Variants in LOXL1 observed in about 807,000 individuals in gnomAD.
LOXL1 encodes the protein lysyl oxidase like 1.
Under a neutral mutation model 62.2 loss-of-function variants are expected in LOXL1, and 31 were observed. The observed-to-expected ratio is 0.50, with a 90% CI of 0.37 to 0.67. The LOEUF is 0.67. LOXL1 is among the 30% of genes least tolerant of loss of function. The pLI is 0.00. For synonymous variants in LOXL1, 403 were observed against 384.4 expected, an observed-to-expected ratio of 1.05 and a Z score of -0.56; for missense variants, 775 against 843.4, an observed-to-expected ratio of 0.92 and a Z score of 1.00.
Position 73,927,348 on chromosome 15 carries a change from G to T in LOXL1, c.565G>T (p.Glu189Ter). 5 of 1,595,450 alleles carry T rather than the reference G, an allele frequency of 3.1e-6. No individual in the cohort carries two copies. The highest frequency in any genetic ancestry group is 3.4e-6 in the Non-Finnish European group (4 of 1,172,320). Reference protein sequence around the residue: ...YPQAPFVSQYENYDPASRTYD... With the variant: ...YPQAPFVSQY ...GCAGGCGCCCTTCGTCAGCCAGTAC[G>T]AGAACTACGACCCCGCGTCGCGGAC... is the stretch of plus-strand genomic sequence containing the variant. Residue 189 changes from glutamate (E) to a stop codon, truncating the protein, a stop_gained, in exon 1 of 7, where the codon GAG becomes TAG. Transcript: ENST00000261921. LOFTEE classifies it high-confidence loss of function.
At chr15:73,934,794 T>TA (rs1416672018) in intron 1 of LOXL1, among the ~76,000 whole-genome samples, 3 of 151,650 alleles carry the variant, frequency 2.0e-5, no homozygotes, top group Admixed American at 6.6e-5. Context: ...TGTGGAAAAA[T>TA]AGAGATAGGT....
intron 5 of LOXL1, among the ~76,000 whole-genome samples, chr15:73,948,574 G>A (rs562604743): frequency 1.2e-4 from 18 of 152,312 alleles, no homozygotes; most frequent in African/African-American, 4.3e-4. Flanking sequence ...AAGCAGCTCA[G>A]TAAAGGCAGA....
At chr15:73,937,512 C>T (rs950706888) in intron 1 of LOXL1, among the ~76,000 whole-genome samples, 12 of 152,236 alleles carry the variant, frequency 7.9e-5, no homozygotes, top group African/African-American at 2.2e-4. Flanking sequence ...TTCGCTGCCC[C>T]GTGACTCAGC....
At chr15:73,938,061 T>C (rs970720750) in intron 1 of LOXL1, among the ~76,000 whole-genome samples, 1 of 152,044 alleles carries the variant, frequency 6.6e-6, no homozygotes, top group African/African-American at 2.4e-5. Context: ...CCAAGGCGGG[T>C]GGAACACTTG....
chr15:73,926,643 G>A lies in LOXL1; in HGVS notation c.-141G>A. ...TGTCATCGGAGGAGCCGTCCCGCTCGGGACAAGGCCAGCATGGACAAAGCT... is the reference window on the plus strand; with the variant it reads ...TGTCATCGGAGGAGCCGTCCCGCTCAGGACAAGGCCAGCATGGACAAAGCT... On this transcript the variant is annotated 5_prime_UTR_variant, in exon 1 of 7. Coordinates refer to ENST00000261921, the MANE Select transcript of LOXL1 (RefSeq NM_005576.4). The A allele has an allele frequency of 9.9e-7, 1 of 1,010,178 alleles. No homozygotes were observed. The highest frequency in any genetic ancestry group is 1.3e-6 in the Non-Finnish European group (1 of 757,648). The allele number at this position is 1,010,178 out of a possible 1,614,324, so 62.6% of individuals were successfully genotyped here.
At chr15:73,937,858 G>C (rs58490364) in intron 1 of LOXL1, among the ~76,000 whole-genome samples, 2 of 152,206 alleles carry the variant, frequency 1.3e-5, no homozygotes, top group Non-Finnish European at 2.9e-5. Context: ...CTGGGGGCTT[G>C]GGAGAAGACT....
chr15:73,927,831 C>A lies in LOXL1; in HGVS notation c.1048C>A (p.Gln350Lys). ...PPPGGERNGA[Q>K]QGRLSVGSVY... is the part of the protein sequence containing the mutation. ...GCCGGGTGGGGAGCGGAACGGCGCG[C>A]AGCAGGGCCGCCTCAGCGTGGGCAG... The change falls in exon 1 of 7, where the codon CAG (glutamine) becomes AAG (lysine). Residue 350 changes from glutamine to lysine, a missense_variant. Transcript: ENST00000261921. The A allele has an allele frequency of 7.4e-7, 1 of 1,348,680 alleles. No homozygotes were observed. Among genetic ancestry groups the A allele is most frequent in the South Asian group, 1.9e-5 (1 of 52,396 alleles). The allele number at this position is 1,348,680 out of a possible 1,614,324, so 83.5% of individuals were successfully genotyped here.
chr15:73,927,781 C>T lies in LOXL1; in HGVS notation c.998C>T (p.Pro333Leu), dbSNP rs185499294. ...CGCGCGCTGGAGCCGCCCTACCTGCCGGTGCGCAGCTCCGACACGCCCCCG... is the reference window on the plus strand; with the variant it reads ...CGCGCGCTGGAGCCGCCCTACCTGCTGGTGCGCAGCTCCGACACGCCCCCG... ...PPRALEPPYL[P>L]VRSSDTPPPG... is the part of the protein sequence containing the mutation. The change falls in exon 1 of 7, where the codon CCG becomes CTG. Residue 333 changes from proline (P) to leucine (L), a missense_variant. Transcript: ENST00000261921. 4.2e-6 allele frequency: 6 copies of T among 1,423,276 alleles called. No individual in the cohort carries two copies. The highest frequency in any genetic ancestry group is 3.0e-5 in the East Asian group (1 of 33,058). 88.2% of individuals were successfully genotyped at this position (1,423,276 alleles called of 1,614,324 possible). A position where few individuals can be genotyped will look rare whatever the true frequency, so the allele number is the denominator to read the frequency against.
intron 1 of LOXL1, among the ~76,000 whole-genome samples, chr15:73,929,540 C>T (rs1419641638): frequency 1.3e-5 from 2 of 152,176 alleles, no homozygotes; most frequent in Admixed American, 6.5e-5. Flanking sequence ...TCCAAGGTGT[C>T]GCTTTTGAGT....
chr15:73,949,539 T>G lies in LOXL1; in HGVS notation c.1683T>G (p.Gly561=). The change falls in exon 6 of 7, where the codon GGT becomes GGG. Residue 561 remains glycine, a synonymous_variant. Transcript: ENST00000261921. The part of the protein sequence containing the change: ...NVVRCNIHYT[G]RYVSATNCKI... ...TGAGATGCAACATTCACTACACAGGTCGCTACGTTTCTGCAACAAACTGCA... is the reference window on the plus strand; with the variant it reads ...TGAGATGCAACATTCACTACACAGGGCGCTACGTTTCTGCAACAAACTGCA... The G allele has an allele frequency of 6.2e-7, 1 of 1,614,034 alleles. No homozygotes were observed. The highest frequency in any genetic ancestry group is 8.5e-7 in the Non-Finnish European group (1 of 1,179,926).
In LOXL1 at chr15:73,951,889, T is replaced by TC; in HGVS notation, c.*56dup. 6.9e-7 allele frequency: 1 copy of TC among 1,441,654 alleles called. No individual in the cohort carries two copies. The highest frequency in any genetic ancestry group is 9.2e-7 in the Non-Finnish European group (1 of 1,087,644). 89.3% of individuals were successfully genotyped at this position (1,441,654 alleles called of 1,614,324 possible). On this transcript the variant is annotated 3_prime_UTR_variant, in exon 7 of 7. Coordinates refer to ENST00000261921, the MANE Select transcript of LOXL1 (RefSeq NM_005576.4). ...TCTCCCCTTCCAAAGCAGGCCCTGC[T>TC]CCCCGGGCAGCCTCCCGCCGAGGGG...
chr15:73,947,253 T>TG (rs1227602836), intron 4 of LOXL1, 30 bp downstream of exon 4: 1 of 1,573,224 alleles, frequency 6.4e-7, no homozygotes, highest in Non-Finnish European at 8.7e-7. Context: ...GTTTGGGGCA[T>TG]GGGAGGATAA....
chr15:73,938,591 G>A (rs922254104), intron 1 of LOXL1, among the ~76,000 whole-genome samples: 30 of 152,106 alleles, frequency 2.0e-4, no homozygotes, highest in African/African-American at 7.0e-4. Flanking sequence ...TGCGCCTGTG[G>A]TCCTAGCTAC....
At chr15:73,948,013 C>CTCTGCTCGGCAGCTGG in intron 5 of LOXL1, 111 bp downstream of exon 5, 1 of 719,968 alleles carries the variant, frequency 1.4e-6, no homozygotes, top group Non-Finnish European at 2.3e-6. Context: ...CCCCAGCTGC[C>CTCTGCTCGGCAGCTGG]GAGCAGAGGC....
chr15:73,939,349 C>G (rs777662969), intron 1 of LOXL1, among the ~76,000 whole-genome samples: 10 of 152,148 alleles, frequency 6.6e-5, no homozygotes, highest in Non-Finnish European at 1.5e-4. Flanking sequence ...GCGGGGGGGC[C>G]TGGCCTGAAC....
rs2068630779 is a variant in LOXL1 at position 73,930,902 on chromosome 15, C to T, written c.1102+3017C>T. Among the ~76,000 whole-genome samples, 1 of 152,212 alleles carries T rather than the reference C, an allele frequency of 6.6e-6. No individual in the cohort carries two copies. Among genetic ancestry groups the T allele is most frequent in the African/African-American group, 2.4e-5 (1 of 41,456 alleles). On this transcript the variant is annotated intron_variant, in intron 1 of 6. Transcript: ENST00000261921. This position sits in a 1 kb window ranked among gnomAD's most constrained non-coding sequence, Gnocchi z 4.7. ...ACTTTGCCTGGCTCTCATAGCAAAT[C>T]CTTGAAGAGAGGCCTGGAGGGTGGC...
chr15:73,949,559 A>G lies in LOXL1; in HGVS notation c.1703A>G (p.Asn568Ser). The G allele has an allele frequency of 6.2e-7, 1 of 1,613,160 alleles. No individual in the cohort carries two copies. The highest frequency in any genetic ancestry group is 1.6e-4 in the Middle Eastern group (1 of 6,062). The change falls in exon 6 of 7, where the codon AAC becomes AGC. Residue 568 changes from asparagine to serine, a missense_variant. Asn to Ser is a conservative substitution (Grantham distance 46). Coordinates refer to ENST00000261921, the MANE Select transcript of LOXL1 (RefSeq NM_005576.4). ...ACAGGTCGCTACGTTTCTGCAACAAACTGCAAAATTGTCCAGTAAGAGTTT... is the reference window on the plus strand; with the variant it reads ...ACAGGTCGCTACGTTTCTGCAACAAGCTGCAAAATTGTCCAGTAAGAGTTT... The part of the protein sequence containing the change: ...HYTGRYVSAT[N>S]CKIVQS
chr15:73,948,347 C>G (rs573208131), intron 5 of LOXL1, among the ~76,000 whole-genome samples: 28 of 152,282 alleles, frequency 1.8e-4, no homozygotes, highest in Admixed American at 6.5e-4. Context: ...AGCCTGAACC[C>G]CTCCTGCTCT....
rs562566108 is a variant in LOXL1 at position 73,941,795 on chromosome 15, C to T, written c.1103-1059C>T. 230 of 156,602 alleles carry T rather than the reference C, an allele frequency of 1.5e-3. 2 individuals carry two copies. The highest frequency in any genetic ancestry group is 6.5e-3 in the Middle Eastern group (5 of 770). 9.7% of individuals were successfully genotyped at this position (156,602 alleles called of 1,614,324 possible). On this transcript the variant is annotated intron_variant, in intron 1 of 6. Transcript: ENST00000261921. ...ACCCACCCCAGCCCACACCCCATCA[C>T]GAACAGAGGAGATATTCCCTCTTCA...
Sources: gnomAD v4.1 joint callset for allele counts (sites outside exome capture counted in the v4.1 genomes callset) on GRCh38, gnomAD v4.1.1 for gene constraint, Gnocchi (gnomAD v3.1) non-coding constraint, MANE v1.5 for transcripts, NCBI Gene and HGNC (gene_info 2026-07-23, HGNC 2026-07-21) for gene names.